Variants in AKR1C3 observed in about 807,000 individuals in gnomAD.
The protein encoded by AKR1C3 is aldo-keto reductase family 1 member C3.
Under a neutral mutation model 43.6 loss-of-function variants are expected in AKR1C3, and 48 were observed. The observed-to-expected ratio is 1.10, with a 90% CI of 0.87 to 1.40. The LOEUF (loss-of-function observed/expected upper bound fraction) is 1.40. Ranked by LOEUF, AKR1C3 falls within the 40% of genes most tolerant of loss-of-function variation. The probability of loss-of-function intolerance (pLI) is 0.00; values close to 1 mark genes in which losing one functional copy is unlikely to be tolerated. For missense variants in AKR1C3, 482 were observed against 391.2 expected, an observed-to-expected ratio of 1.23 and a Z score of -1.96; for synonymous variants, 162 against 139.6, an observed-to-expected ratio of 1.16 and a Z score of -1.13.
chr10:5,101,397 C>T (rs782800266), intron 5 of AKR1C3, among the ~76,000 whole-genome samples: 30 of 151,832 alleles, frequency 2.0e-4, no homozygotes, highest in Non-Finnish European at 3.8e-4. Flanking sequence ...ACTATTCTTA[C>T]GTGACATTTT....
upstream of AKR1C3, among the ~76,000 whole-genome samples, chr10:5,090,221 C>A (rs1178469794): frequency 6.6e-6 from 1 of 152,086 alleles, no homozygotes; most frequent in South Asian, 2.1e-4. Context: ...CTGGGTAGAG[C>A]TGGAGTAGCT....
intron 1 of AKR1C3, among the ~76,000 whole-genome samples, chr10:5,074,363 A>C (rs782664596): frequency 1.3e-5 from 2 of 152,206 alleles, no homozygotes; most frequent in Non-Finnish European, 2.9e-5. Flanking sequence ...TATTTTGACA[A>C]ATTTCAAGAT....
intron 1 of AKR1C3, among the ~76,000 whole-genome samples, chr10:5,065,073 T>A (rs1554780662): frequency 6.6e-6 from 1 of 152,152 alleles, no homozygotes; most frequent in Non-Finnish European, 1.5e-5. Context: ...AACCATCTCA[T>A]ACCAGTCAGA....
At chr10:5,089,111 C>G (rs1199683062) in intron 1 of AKR1C3, among the ~76,000 whole-genome samples, 2 of 152,008 alleles carry the variant, frequency 1.3e-5, no homozygotes, top group Non-Finnish European at 2.9e-5. Context: ...GCTGTTAAAT[C>G]TGTTTAGTAT....
chr10:5,105,509 T>C lies in AKR1C3; in HGVS notation c.847-86T>C, dbSNP rs587735420. On this transcript the variant is annotated intron_variant, in intron 7 of 8. Coordinates refer to ENST00000380554, the MANE Select transcript of AKR1C3 (RefSeq NM_003739.6). ...GTTTAAAACTTACCAATATTTTAAGTATTGTCTCTGCACCCTACTGTCTAA... is the reference window on the plus strand; with the variant it reads ...GTTTAAAACTTACCAATATTTTAAGCATTGTCTCTGCACCCTACTGTCTAA... 4 of 990,548 alleles carry C rather than the reference T, an allele frequency of 4.0e-6. No individual in the cohort carries two copies. In the South Asian group the frequency reaches 6.1e-5, roughly 15 times the overall value. The allele number at this position is 990,548 out of a possible 1,614,324, so 61.4% of individuals were successfully genotyped here.
chr10:5,062,298 T>G (rs1411368492), intron 1 of AKR1C3, among the ~76,000 whole-genome samples: 7 of 152,210 alleles, frequency 4.6e-5, no homozygotes, highest in Non-Finnish European at 8.8e-5. Context: ...TTCCTTAAAC[T>G]ATGTATTCCT....
intron 1 of AKR1C3, among the ~76,000 whole-genome samples, chr10:5,071,073 A>G (rs1411430635): frequency 6.6e-6 from 1 of 152,212 alleles, no homozygotes; most frequent in African/African-American, 2.4e-5. Context: ...TTGCCTCACA[A>G]TGGATTTCCA....
chr10:5,106,963 G>C (rs1363855988), intron 8 of AKR1C3, among the ~76,000 whole-genome samples: 5 of 150,944 alleles, frequency 3.3e-5, no homozygotes, highest in Admixed American at 2.7e-4. Context: ...GCGAGCATGA[G>C]TAATTCTTAT....
At chr10:5,102,021 A>G (rs1554786081) in intron 5 of AKR1C3, 80 bp from the exon 6 acceptor site, 1 of 889,654 alleles carries the variant, frequency 1.1e-6, no homozygotes, top group African/African-American at 1.7e-5. Context: ...ATTATTATTC[A>G]GCTTCCTTAC....
chr10:5,066,004 G>A (rs1474103955), intron 1 of AKR1C3, among the ~76,000 whole-genome samples: 1 of 152,164 alleles, frequency 6.6e-6, no homozygotes, highest in African/African-American at 2.4e-5. Flanking sequence ...TTGATGGCCA[G>A]GGGTGGTGTC....
At chr10:5,094,313 C>G (rs1554784810), upstream of AKR1C3, 2 of 957,930 alleles carry the variant, frequency 2.1e-6, no homozygotes, top group African/African-American at 1.8e-5. Flanking sequence ...GCCTATGTAC[C>G]TCCTCCTACA....
At chr10:5,086,982 G>A (rs1272290481) in intron 1 of AKR1C3, among the ~76,000 whole-genome samples, 2 of 152,234 alleles carry the variant, frequency 1.3e-5, no homozygotes, top group East Asian at 1.9e-4. Flanking sequence ...CTGCATGTGA[G>A]ATGGGTTTCC....
chr10:5,098,266 A>G, intron 3 of AKR1C3: 1 of 897,306 alleles, frequency 1.1e-6, no homozygotes, highest in Non-Finnish European at 1.3e-6. Context: ...ACTTTTTTTT[A>G]TTATTGTTGA....
chr10:5,105,310 C>A, intron 7 of AKR1C3: 1 of 231,974 alleles, frequency 4.3e-6, no homozygotes, highest in Non-Finnish European at 8.3e-6. Context: ...ACAATGTGAC[C>A]CTATCATGTG....
chr10:5,056,237 T>C (rs1838259236), intron 1 of AKR1C3, among the ~76,000 whole-genome samples: 1 of 152,022 alleles, frequency 6.6e-6, no homozygotes, highest in South Asian at 2.1e-4. Flanking sequence ...GCATGTAAGT[T>C]GGGATGTGTG....
At chr10:5,103,808 C>CA (rs1185797132) in intron 7 of AKR1C3, among the ~76,000 whole-genome samples, 1 of 152,128 alleles carries the variant, frequency 6.6e-6, no homozygotes, top group Non-Finnish European at 1.5e-5. Context: ...CAGACACCAC[C>CA]ACTTATTGGA....
chr10:5,050,860 C>T (rs1223322751), intron 1 of AKR1C3, among the ~76,000 whole-genome samples: 4 of 152,130 alleles, frequency 2.6e-5, no homozygotes, highest in Non-Finnish European at 5.9e-5. Flanking sequence ...GGTAGGCAGG[C>T]ACTAGGTAAT....
intron 1 of AKR1C3, among the ~76,000 whole-genome samples, chr10:5,053,448 C>G (rs1048966024): frequency 2.6e-5 from 4 of 152,260 alleles, no homozygotes; most frequent in Non-Finnish European, 5.9e-5. Context: ...GCCCACAAGG[C>G]CATGCGCAGC....
chr10:5,065,378 G>C (rs897383985), intron 1 of AKR1C3, among the ~76,000 whole-genome samples: 1 of 152,082 alleles, frequency 6.6e-6, no homozygotes, highest in Non-Finnish European at 1.5e-5. Flanking sequence ...CACCAGACTG[G>C]ATAAAGAAAT....
Sources: allele counts gnomAD v4.1 joint callset (sites outside exome capture counted in the v4.1 genomes callset), GRCh38; gene constraint gnomAD v4.1.1; transcripts MANE v1.5; gene names NCBI Gene and HGNC (gene_info 2026-07-23, HGNC 2026-07-21).